Variants in COL27A1 observed in about 807,000 individuals in gnomAD.
The protein encoded by COL27A1 is collagen type XXVII alpha 1 chain.
Under a neutral mutation model 251.3 loss-of-function variants are expected in COL27A1, and 106 were observed. That is an observed-to-expected ratio of 0.42 (90% CI 0.36 to 0.50). COL27A1 has a LOEUF of 0.50. Among genes scored for constraint, COL27A1 ranks in the 20% least tolerant of loss-of-function variants. The pLI, the probability that COL27A1 is intolerant of heterozygous loss-of-function variation, is 0.00. For missense variants in COL27A1, 2,325 were observed against 2,522.8 expected (o/e 0.92, Z 1.68); for synonymous variants, 1,000 against 986.3 (o/e 1.01, Z -0.26).
At chr9:114,306,401 A>T in intron 57 of COL27A1, 119 bp from the exon 58 acceptor site, 2 of 985,624 alleles carry the variant, frequency 2.0e-6, no homozygotes, top group Non-Finnish European at 3.0e-6. Context: ...CCCGTGCTCT[A>T]GCCATGACCG....
Position 114,266,383 on chromosome 9 carries a change from G to A in COL27A1, c.3394-182G>A, listed in dbSNP as rs117296054. Among the ~76,000 whole-genome samples, 41 of 152,228 alleles carry A rather than the reference G, an allele frequency of 2.7e-4. No homozygotes were observed. The East Asian group carries it at 7.4e-3, about 27-fold the overall frequency. On this transcript the variant is annotated intron_variant, in intron 32 of 60. Coordinates refer to ENST00000356083, the MANE Select transcript of COL27A1 (RefSeq NM_032888.4). ...TGTGCAGCTGTGTTGGAGGGAGTAT[G>A]ACAGATACCAGTGATGAAGAGGGGC...
rs1831963064 is a variant in COL27A1 at position 114,231,676 on chromosome 9, G to A, written c.2521-146G>A. 1.0e-5 allele frequency: 8 copies of A among 779,192 alleles called. No homozygotes were observed. In the East Asian group the frequency reaches 2.0e-4, roughly 19 times the overall value. The allele number at this position is 779,192 out of a possible 1,614,324, so 48.3% of individuals were successfully genotyped here. On this transcript the variant is annotated intron_variant, in intron 15 of 60. Coordinates refer to ENST00000356083, the MANE Select transcript of COL27A1 (RefSeq NM_032888.4). ...GTCCACACCCTTGCCCTGTGAGATT[G>A]GAGTCATTTGCCCCCTTTTACAGAT... is the stretch of plus-strand genomic sequence containing the variant.
At chr9:114,249,148 C>T (rs1374212948) in intron 24 of COL27A1, among the ~76,000 whole-genome samples, 1 of 152,170 alleles carries the variant, frequency 6.6e-6, no homozygotes, top group East Asian at 1.9e-4. Context: ...ATGACAGTTA[C>T]ATAGATAAAG....
At chr9:114,156,072 G>A in intron 1 of COL27A1, 60 bp downstream of exon 1, 1 of 1,292,786 alleles carries the variant, frequency 7.7e-7, no homozygotes, top group Non-Finnish European at 9.8e-7. Context: ...TCTCGGGGAG[G>A]GCCGGGGTTC....
Position 114,179,416 on chromosome 9 carries a change from A to G in COL27A1, c.1962+1072A>G, listed in dbSNP as rs1336578169. On this transcript the variant is annotated intron_variant, in intron 4 of 60. Transcript: ENST00000356083. Reference sequence around the variant, plus strand: ...GCCTGGGACCAGGATGAGGCCGTTGACCTAGGCAGCCTACTCCCTTCCCCA... The same window carrying G: ...GCCTGGGACCAGGATGAGGCCGTTGGCCTAGGCAGCCTACTCCCTTCCCCA... 2.0e-5 allele frequency among the ~76,000 whole-genome samples: 3 copies of G among 152,288 alleles called. No homozygotes were observed. The East Asian group carries it at 5.8e-4, about 29-fold the overall frequency.
chr9:114,249,472 G>A (rs1157015542), intron 24 of COL27A1, among the ~76,000 whole-genome samples: 1 of 152,218 alleles, frequency 6.6e-6, no homozygotes, highest in Admixed American at 6.5e-5. Context: ...ATGCTTTGGA[G>A]GCCTTGGGCT....
Position 114,209,046 on chromosome 9 carries a change from C to T in COL27A1, c.2269-629C>T, listed in dbSNP as rs1039739640. Among the ~76,000 whole-genome samples, 5 of 152,208 alleles carry T rather than the reference C, an allele frequency of 3.3e-5. 1 individual carries two copies. The highest frequency in any genetic ancestry group is 5.9e-5 in the Non-Finnish European group (4 of 68,036). ...ATTAGGAATTCCCGAAGAGAATTCACAGCTCCACTACTGACTAGTCGTGTT... is the reference window on the plus strand; with the variant it reads ...ATTAGGAATTCCCGAAGAGAATTCATAGCTCCACTACTGACTAGTCGTGTT... On this transcript the variant is annotated intron_variant, in intron 10 of 60. Transcript: ENST00000356083.
chr9:114,226,818 A>C (rs1428846182), intron 14 of COL27A1, among the ~76,000 whole-genome samples: 1 of 152,210 alleles, frequency 6.6e-6, no homozygotes, highest in Non-Finnish European at 1.5e-5. Flanking sequence ...CACAGAGGTG[A>C]GGTCCTCAGA....
chr9:114,209,544 G>GCTGCCA, intron 10 of COL27A1, 131 bp from the exon 11 acceptor site: 1 of 844,750 alleles, frequency 1.2e-6, no homozygotes. Flanking sequence ...AGCCACCGGA[G>GCTGCCA]CTGCCACTGC....
At chr9:114,228,357 G>A (rs1338664759) in intron 14 of COL27A1, among the ~76,000 whole-genome samples, 2 of 152,342 alleles carry the variant, frequency 1.3e-5, no homozygotes, top group African/African-American at 2.4e-5. Flanking sequence ...AGCAGAGCCC[G>A]CCTCTGTTTA....
intron 35 of COL27A1, 59 bp from the exon 36 acceptor site, chr9:114,270,669 G>A: frequency 7.3e-7 from 1 of 1,369,030 alleles, no homozygotes; most frequent in South Asian, 1.2e-5. Flanking sequence ...GAGAGGAAAA[G>A]CACACCGGGG....
intron 37 of COL27A1, among the ~76,000 whole-genome samples, chr9:114,280,612 G>A (rs1488371327): frequency 2.6e-5 from 4 of 152,202 alleles, no homozygotes; most frequent in Admixed American, 6.5e-5. Flanking sequence ...TGGAGGCCAC[G>A]GGGCTAGTCC....
chr9:114,222,598 G>A (rs150852575), intron 14 of COL27A1, among the ~76,000 whole-genome samples: 325 of 152,320 alleles, frequency 2.1e-3, no homozygotes, highest in Middle Eastern at 6.8e-3. Flanking sequence ...CACCTGCTGC[G>A]TGCATGGCCG....
At chr9:114,187,664 G>C (rs1272011944) in intron 5 of COL27A1, among the ~76,000 whole-genome samples, 1 of 152,058 alleles carries the variant, frequency 6.6e-6, no homozygotes, top group Non-Finnish European at 1.5e-5. Context: ...GTAGTGGCTG[G>C]GTATCTGGCC....
intron 28 of COL27A1, among the ~76,000 whole-genome samples, chr9:114,263,995 T>C (rs1034350925): frequency 1.3e-5 from 2 of 152,146 alleles, no homozygotes. Flanking sequence ...GTCTGAAGAG[T>C]TGGCCGTGTG....
In COL27A1 at chr9:114,306,701, C is replaced by T. The variant is rs759603179; in HGVS notation, c.5107+13C>T. 3 of 1,609,970 alleles carry T rather than the reference C, an allele frequency of 1.9e-6. No homozygotes were observed. Among genetic ancestry groups the T allele is most frequent in the Admixed American group, 3.4e-5 (2 of 59,292 alleles). ...AAGATGGTGGATGGTGAGAAGGCTT[C>T]CTGCCGGGGGTGGGTGCGCCTGGCG... On this transcript the variant is annotated intron_variant, in intron 58 of 60. Transcript: ENST00000356083.
chr9:114,180,916 G>A (rs1827856573), intron 4 of COL27A1, among the ~76,000 whole-genome samples: 1 of 152,176 alleles, frequency 6.6e-6, no homozygotes, highest in Admixed American at 6.5e-5. Context: ...CCATCTGTGG[G>A]GCAGCTGGGG....
chr9:114,302,731 A>C lies in COL27A1; in HGVS notation c.4872+623A>C, dbSNP rs200411872. Reference sequence around the variant, plus strand: ...TCAAAAAGAAACAAAAAAAACAAAAAAAAAAAAAAACAAAGAGAGTCGGGC... The same window carrying C: ...TCAAAAAGAAACAAAAAAAACAAAACAAAAAAAAAACAAAGAGAGTCGGGC... On this transcript the variant is annotated intron_variant, in intron 56 of 60. Coordinates refer to ENST00000356083, the MANE Select transcript of COL27A1 (RefSeq NM_032888.4). 2.6e-3 allele frequency among the ~76,000 whole-genome samples: 399 copies of C among 150,930 alleles called. 3 individuals carry two copies. The highest frequency in any genetic ancestry group is 5.9e-3 in the African/African-American group (240 of 40,826).
At chr9:114,233,452 C>G (rs1470723521) in intron 16 of COL27A1, among the ~76,000 whole-genome samples, 1 of 152,228 alleles carries the variant, frequency 6.6e-6, no homozygotes, top group Non-Finnish European at 1.5e-5. Context: ...CCCCCTTGCC[C>G]TGCTGTCTGC....
Sources: allele counts gnomAD v4.1 joint callset (sites outside exome capture counted in the v4.1 genomes callset), GRCh38; gene constraint gnomAD v4.1.1; transcripts MANE v1.5; gene names NCBI Gene and HGNC (gene_info 2026-07-23, HGNC 2026-07-21).